The following PTPN22 variants were observed in gnomAD, a reference collection of about 807,000 sequenced individuals.
The protein encoded by PTPN22 is protein tyrosine phosphatase non-receptor type 22.
In PTPN22, 85 loss-of-function variants were observed where a neutral mutation model predicts 103.3. The ratio of observed to expected loss-of-function variants is 0.82; its 90% CI spans 0.69 to 0.99. The LOEUF (loss-of-function observed/expected upper bound fraction) is 0.99, where lower values mean the gene tolerates loss of function less well. PTPN22 is among the 50% of genes least tolerant of loss of function. The pLI, the probability that PTPN22 is intolerant of heterozygous loss-of-function variation, is 0.00. For missense variants in PTPN22, 865 were observed against 936.9 expected, an observed-to-expected ratio of 0.92 and a Z score of 1.00; for synonymous variants, 323 against 310.2, an observed-to-expected ratio of 1.04 and a Z score of -0.43.
chr1:113,833,117 T>C (rs747558697), exon 16 of PTPN22: 1 of 1,567,008 alleles, frequency 6.4e-7, no homozygotes, highest in South Asian at 1.1e-5. Flanking sequence ...TTACCTGATT[T>C]AGGACTTCGG....
exon 13 of PTPN22, chr1:113,837,695 T>G (rs776122297): frequency 6.2e-7 from 1 of 1,605,494 alleles, no homozygotes; most frequent in African/African-American, 1.3e-5. Flanking sequence ...GTAGAGGATG[T>G]TGGCAACAGA....
intron 19 of PTPN22, among the ~76,000 whole-genome samples, chr1:113,821,185 A>T (rs541626919): frequency 6.6e-6 from 1 of 152,314 alleles, no homozygotes; most frequent in South Asian, 2.1e-4. Flanking sequence ...CTTCAGAAAG[A>T]AAACAAAATT....
intron 13 of PTPN22, among the ~76,000 whole-genome samples, chr1:113,836,931 A>T (rs576690617): frequency 6.6e-6 from 1 of 152,076 alleles, no homozygotes; most frequent in Non-Finnish European, 1.5e-5. Flanking sequence ...GTTTCAAAAA[A>T]TATTTTTAAA....
chr1:113,850,564 T>C (rs982388530), intron 10 of PTPN22, among the ~76,000 whole-genome samples: 1 of 152,220 alleles, frequency 6.6e-6, no homozygotes, highest in Non-Finnish European at 1.5e-5. Context: ...CAGCCTTCTT[T>C]CAAGTCTGAC....
At chr1:113,828,171 T>C (rs2101913461) in intron 18 of PTPN22, among the ~76,000 whole-genome samples, 1 of 142,198 alleles carries the variant, frequency 7.0e-6, no homozygotes, top group South Asian at 2.5e-4. Context: ...TGGTGCCAGT[T>C]GCAGATTTTT....
rs1435622747 is a variant in PTPN22 at position 113,851,994 on chromosome 1, C to T, written c.828+33G>A. On this transcript the variant is annotated intron_variant, in intron 10 of 20. Coordinates refer to ENST00000359785, the Ensembl canonical transcript of PTPN22. The stretch of plus-strand genomic sequence containing the variant: ...TTAAACAGATGGAGCAAGACTCAGA[C>T]ACATGTTCTGATCCATTCACTATAG... The T allele has an allele frequency of 3.3e-6, 5 of 1,517,348 alleles. No homozygotes were observed. The East Asian group carries it at 1.1e-4, about 34-fold the overall frequency. The allele number at this position is 1,517,348 out of a possible 1,614,324, so 94.0% of individuals were successfully genotyped here.
exon 21 of PTPN22, chr1:113,814,317 T>C (rs1238200665): frequency 6.6e-6 from 1 of 152,230 alleles, no homozygotes; most frequent in African/African-American, 2.4e-5. Flanking sequence ...CCTTGTTACA[T>C]TCAAATAATT....
At chr1:113,839,503 C>T (rs1663332827) in intron 11 of PTPN22, among the ~76,000 whole-genome samples, 1 of 152,058 alleles carries the variant, frequency 6.6e-6, no homozygotes, top group Non-Finnish European at 1.5e-5. Context: ...CCTCCTCTCA[C>T]CTCAGCTTCC....
chr1:113,839,959 C>A (rs1219821253), intron 11 of PTPN22, among the ~76,000 whole-genome samples: 2 of 151,880 alleles, frequency 1.3e-5, no homozygotes, highest in African/African-American at 2.4e-5. Context: ...CGCCTGTAAT[C>A]CCAGCACTTT....
At chr1:113,838,708 T>G in intron 11 of PTPN22, 88 bp from the exon 12 acceptor site, 5 of 1,497,750 alleles carry the variant, frequency 3.3e-6, no homozygotes, top group South Asian at 2.7e-5. Flanking sequence ...AAGTAATTTT[T>G]CAGGAAATAA....
At chr1:113,829,693 A>G (rs1203775496) in exon 18 of PTPN22, 1 of 1,578,750 alleles carries the variant, frequency 6.3e-7, no homozygotes, top group Non-Finnish European at 8.6e-7. Context: ...GTTTCTATAG[A>G]TTGGGCCTGC....
intron 11 of PTPN22, among the ~76,000 whole-genome samples, chr1:113,848,020 C>T (rs1664247635): frequency 6.6e-6 from 1 of 152,104 alleles, no homozygotes; most frequent in Non-Finnish European, 1.5e-5. Context: ...CAGGCATGAA[C>T]CACCTTGCCC....
chr1:113,840,221 C>CA (rs35772284), intron 11 of PTPN22, among the ~76,000 whole-genome samples: 43,537 of 116,376 alleles, frequency 0.37, 8,089 homozygotes, highest in African/African-American at 0.56. Flanking sequence ...AATTCCATCT[C>CA]AAAAAAAAAA....
intron 11 of PTPN22, among the ~76,000 whole-genome samples, chr1:113,843,489 A>G (rs1663789532): frequency 6.6e-6 from 1 of 152,162 alleles, no homozygotes; most frequent in African/African-American, 2.4e-5. Flanking sequence ...AGTCAAATTC[A>G]TAGAGACAGA....
chr1:113,858,886 G>T (rs911896998), intron 3 of PTPN22, 116 bp downstream of exon 3: 4 of 1,456,376 alleles, frequency 2.7e-6, no homozygotes, highest in Non-Finnish European at 2.7e-6. Flanking sequence ...TGATCTTTCC[G>T]CCTCAGCCTC....
In PTPN22 at chr1:113,842,016, G is replaced by A. The variant is rs1394925101; in HGVS notation, c.916-3396C>T. ...GGCCAGGAGTTCAAGACTAGCCTGGGCAACATAATGAGACCCTGTCTCTAA... is the reference window on the plus strand; with the variant it reads ...GGCCAGGAGTTCAAGACTAGCCTGGACAACATAATGAGACCCTGTCTCTAA... On this transcript the variant is annotated intron_variant, in intron 11 of 20. Transcript: ENST00000359785. Among the ~76,000 whole-genome samples the A allele has an allele frequency of 7.9e-5, 12 of 151,912 alleles. 1 individual carries two copies. The highest frequency in any genetic ancestry group is 7.9e-4 in the Admixed American group (12 of 15,232).
exon 13 of PTPN22, chr1:113,837,771 A>G: frequency 6.2e-7 from 1 of 1,613,926 alleles, no homozygotes; most frequent in African/African-American, 1.3e-5. Context: ...AACTGGTACC[A>G]CTTGGAGGCC....
At chr1:113,852,298 A>ATTTTGTATTTTTAGTAG (rs1553251783) in intron 9 of PTPN22, among the ~76,000 whole-genome samples, 194 bp from the exon 10 acceptor site, 1 of 152,116 alleles carries the variant, frequency 6.6e-6, no homozygotes, top group Non-Finnish European at 1.5e-5. Flanking sequence ...TTCCCTAGAA[A>ATTTTGTATTTTTAGTAG]AGACTAAAGA....
chr1:113,814,335 T>A (rs1024482081), exon 21 of PTPN22: 2 of 152,226 alleles, frequency 1.3e-5, no homozygotes, highest in African/African-American at 4.8e-5. Flanking sequence ...ATTGTCATTA[T>A]TTGCACATTT....
Sources: gnomAD v4.1 joint callset for allele counts (sites outside exome capture counted in the v4.1 genomes callset) on GRCh38, gnomAD v4.1.1 for gene constraint, MANE v1.5 for transcripts, NCBI Gene and HGNC (gene_info 2026-07-23, HGNC 2026-07-21) for gene names.